QRFPR: variants seen among roughly 807,000 people sequenced by gnomAD.
QRFPR encodes the protein pyroglutamylated RFamide peptide receptor.
In QRFPR, 37 loss-of-function variants were observed where a neutral mutation model predicts 31.3. The ratio of observed to expected loss-of-function variants is 1.18; its 90% CI spans 0.91 to 1.56. The LOEUF (loss-of-function observed/expected upper bound fraction) is 1.56, where lower values mean the gene tolerates loss of function less well. Among genes scored for constraint, QRFPR ranks in the 40% most tolerant of loss-of-function variants. The probability of loss-of-function intolerance (pLI) is 0.00; values close to 1 mark genes in which losing one functional copy is unlikely to be tolerated. For synonymous variants in QRFPR, 197 were observed against 192.0 expected (o/e 1.03, Z -0.22); for missense variants, 542 against 532.5 (o/e 1.02, Z -0.18).
chr4:121,365,619 T>C (rs1726112169), intron 1 of QRFPR, among the ~76,000 whole-genome samples: 1 of 11,256 alleles, frequency 8.9e-5, no homozygotes, highest in South Asian at 3.2e-3. Flanking sequence ...ATATTATATA[T>C]ATTATATATT....
chr4:121,373,219 T>C (rs1726285201), intron 1 of QRFPR, among the ~76,000 whole-genome samples: 1 of 152,250 alleles, frequency 6.6e-6, no homozygotes. Flanking sequence ...TTTAAAACTT[T>C]CTTACTGCTA....
chr4:121,329,101 GAAGGAACACAGAA>G lies in QRFPR; in HGVS notation c.*200_*212del. On this transcript the variant is annotated 3_prime_UTR_variant, in exon 6 of 6. Coordinates refer to ENST00000394427, the MANE Select transcript of QRFPR (RefSeq NM_198179.3). ...TAGTCAAGTGAAGCAGTGGGAATGA[GAAGGAACACAGAA>G]ATCTGTTAAATGATTGTGATCAATT... 8.9e-6 allele frequency: 4 copies of G among 449,512 alleles called. No individual in the cohort carries two copies. Among genetic ancestry groups the G allele is most frequent in the South Asian group, 9.9e-5 (2 of 20,144 alleles). The allele number at this position is 449,512 out of a possible 1,614,324, so 27.8% of individuals were successfully genotyped here.
intron 3 of QRFPR, among the ~76,000 whole-genome samples, chr4:121,334,296 T>C (rs185393603): frequency 1.0e-3 from 152 of 152,362 alleles, no homozygotes; most frequent in South Asian, 2.1e-4. Flanking sequence ...GATGGTTTTA[T>C]GGAAAATTTC....
At chr4:121,378,267 T>C (rs1334807847) in intron 1 of QRFPR, among the ~76,000 whole-genome samples, 2 of 152,122 alleles carry the variant, frequency 1.3e-5, no homozygotes, top group Non-Finnish European at 2.9e-5. Flanking sequence ...CTCCATGAAG[T>C]AAGAAGCAGG....
chr4:121,377,508 G>A (rs1406307159), intron 1 of QRFPR, among the ~76,000 whole-genome samples: 2 of 151,278 alleles, frequency 1.3e-5, no homozygotes, highest in African/African-American at 2.4e-5. Flanking sequence ...TGCCTTGCAC[G>A]GTATTCTTGG....
intron 1 of QRFPR, chr4:121,369,353 C>T: frequency 1.5e-6 from 1 of 645,908 alleles, no homozygotes; most frequent in Non-Finnish European, 2.8e-6. Context: ...ATATACCTTT[C>T]CTATGTCAAA....
At chr4:121,365,590 T>TTA (rs371653214) in intron 1 of QRFPR, among the ~76,000 whole-genome samples, 1 of 5,636 alleles carries the variant, frequency 1.8e-4, no homozygotes, top group African/African-American at 1.1e-3. Context: ...ATTATATATA[T>TTA]TATATATATA....
At chr4:121,378,069 G>A (rs1035040504) in intron 1 of QRFPR, among the ~76,000 whole-genome samples, 9 of 151,838 alleles carry the variant, frequency 5.9e-5, no homozygotes, top group Non-Finnish European at 1.2e-4. Context: ...TATAAATCTG[G>A]TCCCAGATAA....
At chr4:121,338,561 T>C (rs111717938) in intron 2 of QRFPR, among the ~76,000 whole-genome samples, 2,501 of 152,362 alleles carry the variant, frequency 0.016, 66 homozygotes, top group African/African-American at 0.056. Flanking sequence ...ATTTTATGCG[T>C]AGCCCAAGGC....
chr4:121,371,514 A>G lies in QRFPR; in HGVS notation c.340+8794T>C, dbSNP rs144426909. ...CCTGGAAGTTGGTCCACTGGGGAGT[A>G]TATATCAATAAATGAGATGGGAGCA... is the stretch of plus-strand genomic sequence containing the variant. On this transcript the variant is annotated intron_variant, in intron 1 of 5. Transcript: ENST00000394427. 2.3e-3 allele frequency among the ~76,000 whole-genome samples: 356 copies of G among 152,284 alleles called. 1 individual carries two copies. The highest frequency in any genetic ancestry group is 7.0e-3 in the African/African-American group (290 of 41,548).
chr4:121,362,005 G>A (rs750291813), intron 1 of QRFPR, among the ~76,000 whole-genome samples: 6 of 150,002 alleles, frequency 4.0e-5, no homozygotes, highest in Non-Finnish European at 7.4e-5. Flanking sequence ...CTCCATATAA[G>A]GAACTTTTTA....
chr4:121,335,581 G>T (rs1452802438), intron 3 of QRFPR, among the ~76,000 whole-genome samples: 2 of 84,632 alleles, frequency 2.4e-5, no homozygotes, highest in Non-Finnish European at 5.0e-5. Flanking sequence ...TGGGGGGTGG[G>T]GGGTGGGGCG....
intron 4 of QRFPR, among the ~76,000 whole-genome samples, chr4:121,332,599 T>C (rs1231347756): frequency 3.3e-5 from 5 of 152,224 alleles, no homozygotes; most frequent in Admixed American, 1.3e-4. Flanking sequence ...AGTTTCTACC[T>C]ATAGCTGTAA....
intron 3 of QRFPR, among the ~76,000 whole-genome samples, chr4:121,335,579 G>C (rs1354014350): frequency 2.4e-4 from 24 of 100,030 alleles, no homozygotes; most frequent in African/African-American, 6.1e-4. Context: ...TATGGGGGGT[G>C]GGGGGTGGGG....
At chr4:121,365,615 TATATA>T (rs1560744171) in intron 1 of QRFPR, among the ~76,000 whole-genome samples, 1 of 8,612 alleles carries the variant, frequency 1.2e-4, no homozygotes, top group African/African-American at 4.5e-4. Context: ...ATATATATTA[TATATA>T]TTATATATTA....
intron 1 of QRFPR, among the ~76,000 whole-genome samples, chr4:121,343,657 T>G (rs539822835): frequency 3.3e-5 from 5 of 152,154 alleles, no homozygotes; most frequent in Non-Finnish European, 5.9e-5. Flanking sequence ...TATCCTAGGT[T>G]TTTTTTCTCT....
chr4:121,341,560 T>G (rs1010580860), intron 1 of QRFPR, among the ~76,000 whole-genome samples: 1 of 152,212 alleles, frequency 6.6e-6, no homozygotes, highest in Non-Finnish European at 1.5e-5. Context: ...AGTGCTGATA[T>G]GATGCCACAA....
rs377144686 is a variant in QRFPR, at chr4:121,380,668, C to T, written c.-21G>A. On this transcript the variant is annotated 5_prime_UTR_variant, in exon 1 of 6. Coordinates refer to ENST00000394427, the MANE Select transcript of QRFPR (RefSeq NM_198179.3). ...TGCATTGCTGTGCGCTCCCGGGACG[C>T]GGGGCCACCGCCCGCTACTGGCTGG... is the stretch of plus-strand genomic sequence containing the variant. 22 of 1,484,302 alleles carry T rather than the reference C, an allele frequency of 1.5e-5. No homozygotes were observed. The highest frequency in any genetic ancestry group is 1.9e-5 in the Non-Finnish European group (21 of 1,113,630). The allele number at this position is 1,484,302 out of a possible 1,614,324, so 91.9% of individuals were successfully genotyped here. A position where few individuals can be genotyped will look rare whatever the true frequency, so the allele number is the denominator to read the frequency against.
Position 121,380,653 on chromosome 4 carries a change from T to C in QRFPR, c.-6A>G. 2 of 1,512,998 alleles carry C rather than the reference T, an allele frequency of 1.3e-6. No homozygotes were observed. Among genetic ancestry groups the C allele is most frequent in the Non-Finnish European group, 1.8e-6 (2 of 1,126,156 alleles). 93.7% of individuals were successfully genotyped at this position (1,512,998 alleles called of 1,614,324 possible). ...GTAATGTTAAGCGCCTGCATTGCTGTGCGCTCCCGGGACGCGGGGCCACCG... is the reference window on the plus strand; with the variant it reads ...GTAATGTTAAGCGCCTGCATTGCTGCGCGCTCCCGGGACGCGGGGCCACCG... On this transcript the variant is annotated 5_prime_UTR_variant, in exon 1 of 6. Coordinates refer to ENST00000394427, the MANE Select transcript of QRFPR (RefSeq NM_198179.3).
Sources: allele counts gnomAD v4.1 joint callset (sites outside exome capture counted in the v4.1 genomes callset), GRCh38; gene constraint gnomAD v4.1.1; transcripts MANE v1.5; gene names NCBI Gene and HGNC (gene_info 2026-07-23, HGNC 2026-07-21).